CCDC38: variants seen among roughly 807,000 people sequenced by gnomAD.
The protein encoded by CCDC38 is coiled-coil domain-containing protein 38.
CCDC38 carries 69 observed loss-of-function variants against 72.8 expected under a neutral mutation model. That is an observed-to-expected ratio of 0.95 (90% confidence interval 0.78 to 1.16). CCDC38 has a LOEUF of 1.16. Ranked by LOEUF, CCDC38 falls within the 50% of genes most tolerant of loss-of-function variation. The pLI is 0.00. For synonymous variants in CCDC38, 201 were observed against 213.2 expected (o/e 0.94, Z 0.50); for missense variants, 626 against 638.9 (o/e 0.98, Z 0.22).
intron 1 of CCDC38, among the ~76,000 whole-genome samples, chr12:95,940,208 C>T (rs745534550): frequency 1.1e-4 from 16 of 152,114 alleles, no homozygotes; most frequent in Admixed American, 2.0e-4. Flanking sequence ...TAAGAAACTC[C>T]CAATCAAAGT....
At chr12:95,920,439 G>A (rs2080192418) in intron 2 of CCDC38, among the ~76,000 whole-genome samples, 1 of 152,124 alleles carries the variant, frequency 6.6e-6, no homozygotes, top group Non-Finnish European at 1.5e-5. Flanking sequence ...TTAGCAGCAT[G>A]AGAACAGATT....
At chr12:95,900,691 C>G (rs2079941357) in intron 5 of CCDC38, among the ~76,000 whole-genome samples, 1 of 152,134 alleles carries the variant, frequency 6.6e-6, no homozygotes, top group Non-Finnish European at 1.5e-5. Flanking sequence ...GGCAAAAATA[C>G]ATATGTTGCT....
In CCDC38 at chr12:95,869,586, G is replaced by A; in HGVS notation, c.1485-13C>T. Reference sequence around the variant, plus strand: ...CTCATCACGAAACCTGTCACAAGAAGGGAGAAACATTCTTGTAACTATAAA... The same window carrying A: ...CTCATCACGAAACCTGTCACAAGAAAGGAGAAACATTCTTGTAACTATAAA... On this transcript the variant is annotated splice_polypyrimidine_tract_variant and intron_variant, in intron 14 of 15. Transcript: ENST00000344280. The A allele has an allele frequency of 6.3e-7, 1 of 1,580,414 alleles. No individual in the cohort carries two copies. Among genetic ancestry groups the A allele is most frequent in the South Asian group, 1.1e-5 (1 of 90,018 alleles).
At chr12:95,897,303 T>C (rs1289143405) in intron 7 of CCDC38, among the ~76,000 whole-genome samples, 1 of 152,146 alleles carries the variant, frequency 6.6e-6, no homozygotes, top group Non-Finnish European at 1.5e-5. Flanking sequence ...GAAGGAAGCT[T>C]CTTTAGCTAC....
At chr12:95,877,194 A>C (rs1213229335) in intron 13 of CCDC38, among the ~76,000 whole-genome samples, 1 of 152,208 alleles carries the variant, frequency 6.6e-6, no homozygotes, top group African/African-American at 2.4e-5. Context: ...ATTTAGATTA[A>C]GTAAATTTAC....
At chr12:95,870,139 C>G (rs1168452238) in intron 14 of CCDC38, among the ~76,000 whole-genome samples, 1 of 152,158 alleles carries the variant, frequency 6.6e-6, no homozygotes, top group African/African-American at 2.4e-5. Flanking sequence ...TAACTTTCAG[C>G]TACTTGTTCC....
Position 95,890,876 on chromosome 12 carries a change from G to T in CCDC38, c.827C>A (p.Thr276Lys). 6.2e-7 allele frequency: 1 copy of T among 1,607,204 alleles called. No homozygotes were observed. The highest frequency in any genetic ancestry group is 8.5e-7 in the Non-Finnish European group (1 of 1,175,440). Residue 276 changes from threonine to lysine, a missense_variant, in exon 9 of 16, where the codon ACA becomes AAA. Coordinates refer to ENST00000344280, the MANE Select transcript of CCDC38 (RefSeq NM_182496.3). ...KEGILEESGR[T>K]AVLSEDASQG... is the part of the protein sequence containing the mutation. ...AGAAGCATCTTCTGAAAGGACAGCT[G>T]TCCTCCCGGACTCCTCAAGGATGCC...
At chr12:95,893,869 ATAAC>A (rs1437876963) in intron 8 of CCDC38, among the ~76,000 whole-genome samples, 1 of 151,896 alleles carries the variant, frequency 6.6e-6, no homozygotes, top group Non-Finnish European at 1.5e-5. Context: ...ATATAAGTAA[ATAAC>A]ATATATATAT....
At chr12:95,872,034 G>A (rs1257286225) in intron 14 of CCDC38, among the ~76,000 whole-genome samples, 1 of 151,994 alleles carries the variant, frequency 6.6e-6, no homozygotes, top group African/African-American at 2.4e-5. Context: ...TTCCTTCGTG[G>A]TGCTCATTAC....
At chr12:95,883,295 T>C (rs574844301) in intron 10 of CCDC38, among the ~76,000 whole-genome samples, 5 of 152,206 alleles carry the variant, frequency 3.3e-5, no homozygotes, top group Non-Finnish European at 5.9e-5. Context: ...GTCACACTCT[T>C]GTTTAAAACA....
At chr12:95,912,478 T>A (rs1416447861) in intron 4 of CCDC38, among the ~76,000 whole-genome samples, 1 of 151,812 alleles carries the variant, frequency 6.6e-6, no homozygotes, top group African/African-American at 2.4e-5. Flanking sequence ...GGTGGGGGGA[T>A]AGGAAGAGGT....
intron 5 of CCDC38, among the ~76,000 whole-genome samples, chr12:95,902,195 AT>A (rs976724237): frequency 2.6e-5 from 4 of 152,110 alleles, no homozygotes; most frequent in African/African-American, 9.7e-5. Context: ...CATTTTCATA[AT>A]TTTTTTCTAG....
At chr12:95,915,411 G>T (rs1240213986) in intron 4 of CCDC38, among the ~76,000 whole-genome samples, 1 of 152,156 alleles carries the variant, frequency 6.6e-6, no homozygotes, top group African/African-American at 2.4e-5. Flanking sequence ...ACCAGAGTCA[G>T]GCTGCTCGCT....
At chr12:95,924,475 C>G (rs1330878977) in intron 2 of CCDC38, among the ~76,000 whole-genome samples, 1 of 141,914 alleles carries the variant, frequency 7.0e-6, no homozygotes, top group Non-Finnish European at 1.5e-5. Flanking sequence ...AAAATTTTCT[C>G]CCATTTTGTA....
At chr12:95,906,744 T>A (rs954711571) in intron 4 of CCDC38, among the ~76,000 whole-genome samples, 3 of 151,412 alleles carry the variant, frequency 2.0e-5, no homozygotes, top group Non-Finnish European at 4.4e-5. Flanking sequence ...GTCTATGAGG[T>A]CCTGAAGTGT....
At chr12:95,909,715 G>T (rs1002331325) in intron 4 of CCDC38, among the ~76,000 whole-genome samples, 1 of 152,036 alleles carries the variant, frequency 6.6e-6, no homozygotes, top group Non-Finnish European at 1.5e-5. Flanking sequence ...AATCAAGTGG[G>T]CTTTACTCCT....
intron 4 of CCDC38, among the ~76,000 whole-genome samples, chr12:95,913,907 C>T (rs1428143693): frequency 6.6e-6 from 1 of 151,672 alleles, no homozygotes; most frequent in African/African-American, 2.4e-5. Flanking sequence ...TGACAGACTC[C>T]GTGAGCCACG....
At chr12:95,913,057 C>T (rs951996039) in intron 4 of CCDC38, among the ~76,000 whole-genome samples, 1 of 151,866 alleles carries the variant, frequency 6.6e-6, no homozygotes, top group Admixed American at 6.6e-5. Flanking sequence ...AAAGTGAGAC[C>T]CTGTCTCAAA....
At chr12:95,921,367 T>C (rs576070690) in intron 2 of CCDC38, among the ~76,000 whole-genome samples, 8 of 152,270 alleles carry the variant, frequency 5.3e-5, no homozygotes, top group Admixed American at 2.0e-4. Context: ...TCTCTGAGAC[T>C]CGGTAGTTTA....
Sources: allele counts gnomAD v4.1 joint callset (sites outside exome capture counted in the v4.1 genomes callset), GRCh38; gene constraint gnomAD v4.1.1; transcripts MANE v1.5; gene names NCBI Gene and HGNC (gene_info 2026-07-23, HGNC 2026-07-21).